The following PPP1R9A variants were observed in gnomAD, a reference collection of about 807,000 sequenced individuals.
The protein encoded by PPP1R9A is protein phosphatase 1 regulatory subunit 9A.
Under a neutral mutation model 141.9 loss-of-function variants are expected in PPP1R9A, and 59 were observed. The observed-to-expected ratio is 0.42, with a 90% confidence interval of 0.34 to 0.52. PPP1R9A has a LOEUF of 0.52. Ranked by LOEUF, PPP1R9A falls within the 20% of genes least tolerant of loss-of-function variation. The probability of loss-of-function intolerance (pLI) is 0.10; values close to 1 mark genes in which losing one functional copy is unlikely to be tolerated. For synonymous variants in PPP1R9A, 500 were observed against 569.7 expected (o/e 0.88, Z 1.74); for missense variants, 1,444 against 1,611.9 (o/e 0.90, Z 1.78).
At chr7:95,035,111 G>A (rs987393580) in intron 2 of PPP1R9A, among the ~76,000 whole-genome samples, 3 of 152,138 alleles carry the variant, frequency 2.0e-5, no homozygotes, top group Non-Finnish European at 4.4e-5. Context: ...TGAGAAATCT[G>A]AAGCATCAAA....
rs139493749 is a variant in PPP1R9A at position 94,988,066 on chromosome 7, G to C, written c.1395+76558G>C. ...ATTGGATCAGAGGTTCATTACCCTG[G>C]ACACTTGTGGGCTAAAGGCCTAGGA... On this transcript the variant is annotated intron_variant, in intron 2 of 19. Coordinates refer to ENST00000433360, the MANE Select transcript of PPP1R9A (RefSeq NM_001166160.2). Among the ~76,000 whole-genome samples the C allele has an allele frequency of 3.0e-3, 452 of 152,170 alleles. 5 individuals are homozygous for C. Among genetic ancestry groups the C allele is most frequent in the Non-Finnish European group, 4.0e-3 (275 of 67,968 alleles).
chr7:94,973,725 T>C lies in PPP1R9A; in HGVS notation c.1395+62217T>C, dbSNP rs997321991. Among the ~76,000 whole-genome samples the C allele has an allele frequency of 4.0e-5, 6 of 151,118 alleles. No individual in the cohort carries two copies. In the South Asian group the frequency reaches 6.2e-4, roughly 16 times the overall value. ...TTTTATTTTTTTTCTTTCTTTCTTTTTTTTTTTTTTTGAGAAAATGTCTCG... is the reference window on the plus strand; with the variant it reads ...TTTTATTTTTTTTCTTTCTTTCTTTCTTTTTTTTTTTGAGAAAATGTCTCG... On this transcript the variant is annotated intron_variant, in intron 2 of 19. Transcript: ENST00000433360.
At chr7:95,078,108 C>T in intron 2 of PPP1R9A, among the ~76,000 whole-genome samples, 1 of 149,416 alleles carries the variant, frequency 6.7e-6, no homozygotes, top group East Asian at 2.0e-4. Flanking sequence ...TTAGGTATAT[C>T]TCCTAAAGCT....
At chr7:95,200,254 A>C (rs1315284677) in intron 6 of PPP1R9A, among the ~76,000 whole-genome samples, 1 of 151,350 alleles carries the variant, frequency 6.6e-6, no homozygotes, top group Non-Finnish European at 1.5e-5. Context: ...CCAAAAGTTG[A>C]TATAAAATTT....
chr7:95,168,223 C>G (rs2152739617), intron 5 of PPP1R9A, among the ~76,000 whole-genome samples: 1 of 151,986 alleles, frequency 6.6e-6, no homozygotes, highest in Non-Finnish European at 1.5e-5. Context: ...GAATGGAGGA[C>G]CCAGAAACAA....
At chr7:95,237,706 G>A (rs1026954175) in intron 8 of PPP1R9A, among the ~76,000 whole-genome samples, 3 of 151,832 alleles carry the variant, frequency 2.0e-5, no homozygotes, top group Admixed American at 2.0e-4. Context: ...ATATGTTGAG[G>A]ATTATTACAA....
At chr7:94,953,184 A>G (rs1435731787) in intron 2 of PPP1R9A, among the ~76,000 whole-genome samples, 2 of 152,184 alleles carry the variant, frequency 1.3e-5, no homozygotes, top group African/African-American at 2.4e-5. Flanking sequence ...ATGGCTAGCC[A>G]GTTTTCCCAA....
chr7:95,260,198 T>C (rs1394088054), intron 12 of PPP1R9A, among the ~76,000 whole-genome samples: 1 of 152,224 alleles, frequency 6.6e-6, no homozygotes, highest in Non-Finnish European at 1.5e-5. Context: ...TGTCTAGTTT[T>C]GTGCAAGTTT....
At chr7:95,079,355 A>G (rs532916279) in intron 2 of PPP1R9A, among the ~76,000 whole-genome samples, 160 of 152,236 alleles carry the variant, frequency 1.1e-3, no homozygotes, top group South Asian at 1.9e-3. Flanking sequence ...CTGTTTTGGT[A>G]CCAGTACCAT....
intron 19 of PPP1R9A, 130 bp from the exon 20 acceptor site, chr7:95,289,961 A>G (rs1424037507): frequency 7.0e-7 from 1 of 1,431,238 alleles, no homozygotes; most frequent in Non-Finnish European, 9.3e-7. Context: ...AGCAAATGTA[A>G]CTAGTTCTTC....
rs117535804 is a variant in PPP1R9A, at chr7:95,249,287, C to T, written c.2167-739C>T. Among the ~76,000 whole-genome samples, 179 of 152,222 alleles carry T rather than the reference C, an allele frequency of 1.2e-3. 4 individuals carry two copies. The East Asian group carries it at 0.032, about 27-fold the overall frequency. ...TTTATAAAGCTTGAGAAATTCATTACACTACATGTAAAATAATGAGCTATA... is the reference window on the plus strand; with the variant it reads ...TTTATAAAGCTTGAGAAATTCATTATACTACATGTAAAATAATGAGCTATA... On this transcript the variant is annotated intron_variant, in intron 9 of 19. Coordinates refer to ENST00000433360, the MANE Select transcript of PPP1R9A (RefSeq NM_001166160.2).
chr7:95,277,935 CTGTGAGA>C (rs1486659542), intron 16 of PPP1R9A, among the ~76,000 whole-genome samples: 1 of 152,018 alleles, frequency 6.6e-6, no homozygotes, highest in African/African-American at 2.4e-5. Context: ...ATGGAAAACT[CTGTGAGA>C]TGTGTGTATC....
intron 2 of PPP1R9A, among the ~76,000 whole-genome samples, chr7:95,023,607 G>A (rs1316673699): frequency 6.6e-6 from 1 of 152,084 alleles, no homozygotes; most frequent in Non-Finnish European, 1.5e-5. Flanking sequence ...AGGCTGGAGT[G>A]CAGTGGCGCG....
chr7:95,269,483 A>G lies in PPP1R9A; in HGVS notation c.3100A>G (p.Asn1034Asp). 1 of 1,580,708 alleles carries G rather than the reference A, an allele frequency of 6.3e-7. No homozygotes were observed. ...ATCTCCTTGCCATCACCAAACCACCAACAAGAAAATATTACGAGAAAAAGG... is the reference window on the plus strand; with the variant it reads ...ATCTCCTTGCCATCACCAAACCACCGACAAGAAAATATTACGAGAAAAAGG... ...EESPCHHQTT[N>D]KKILREKDDA... The change falls in exon 14 of 20, where the codon AAC (asparagine) becomes GAC (aspartate). Residue 1034 changes from asparagine to aspartate, a missense_variant. Around this residue, in one of 5 missense-constraint regions of PPP1R9A, gnomAD observed 459 missense variants for 513.8 expected, o/e 0.89. Coordinates refer to ENST00000433360, the MANE Select transcript of PPP1R9A (RefSeq NM_001166160.2).
intron 5 of PPP1R9A, among the ~76,000 whole-genome samples, chr7:95,195,370 T>C (rs1418679917): frequency 2.0e-5 from 3 of 149,718 alleles, no homozygotes; most frequent in African/African-American, 7.4e-5. Flanking sequence ...AGCCTTGACC[T>C]CCTGGGGTCA....
intron 2 of PPP1R9A, among the ~76,000 whole-genome samples, chr7:94,955,050 T>G (rs1289189941): frequency 6.6e-6 from 1 of 152,036 alleles, no homozygotes; most frequent in Admixed American, 6.6e-5. Context: ...ATTCTTACTG[T>G]CATTAATACA....
intron 2 of PPP1R9A, among the ~76,000 whole-genome samples, chr7:95,070,039 A>G (rs1813541746): frequency 6.6e-6 from 1 of 152,132 alleles, no homozygotes; most frequent in South Asian, 2.1e-4. Context: ...AAAAATATAC[A>G]TGATTCCCTT....
At chr7:95,212,842 A>G (rs904853652) in intron 7 of PPP1R9A, among the ~76,000 whole-genome samples, 4 of 152,206 alleles carry the variant, frequency 2.6e-5, no homozygotes, top group African/African-American at 9.7e-5. Flanking sequence ...CTGATGGTTT[A>G]TGGGATTTCT....
At chr7:94,966,136 A>G (rs1798188552) in intron 2 of PPP1R9A, among the ~76,000 whole-genome samples, 4 of 152,178 alleles carry the variant, frequency 2.6e-5, no homozygotes, top group African/African-American at 9.7e-5. Flanking sequence ...TTATTGGTGT[A>G]TAGGAATGCT....
Sources: allele counts gnomAD v4.1 joint callset (sites outside exome capture counted in the v4.1 genomes callset), GRCh38; gene constraint gnomAD v4.1.1; regional missense constraint gnomAD v4.1.1; transcripts MANE v1.5; gene names NCBI Gene and HGNC (gene_info 2026-07-23, HGNC 2026-07-21).